Variants in DGKI observed in about 807,000 individuals in gnomAD.
The protein encoded by DGKI is DAG kinase iota.
Under a neutral mutation model 147.5 loss-of-function variants are expected in DGKI, and 55 were observed. The observed-to-expected ratio is 0.37, with a 90% confidence interval of 0.30 to 0.47. DGKI has a LOEUF of 0.47. DGKI is among the 20% of genes least tolerant of loss of function. DGKI has a pLI of 1.00. For synonymous variants in DGKI, 469 were observed against 477.1 expected (o/e 0.98, Z 0.22); for missense variants, 1,007 against 1,323.8 (o/e 0.76, Z 3.71).
At chr7:137,767,919 T>G (rs1796070145) in intron 1 of DGKI, among the ~76,000 whole-genome samples, 1 of 152,174 alleles carries the variant, frequency 6.6e-6, no homozygotes, top group African/African-American at 2.4e-5. Flanking sequence ...TTTTTAAAAA[T>G]ATTATATAAT....
chr7:137,549,417 A>T (rs1817972344), intron 20 of DGKI, among the ~76,000 whole-genome samples: 1 of 152,182 alleles, frequency 6.6e-6, no homozygotes, highest in South Asian at 2.1e-4. Context: ...TCGAATATCC[A>T]ATTAACATGC....
rs530213950 is a variant in DGKI, at chr7:137,825,913, CTATT to C, written c.401+20545_401+20548del. On this transcript the variant is annotated intron_variant, in intron 1 of 32. Coordinates refer to ENST00000614521, the MANE Select transcript of DGKI (RefSeq NM_001321708.2). ...TTTTTCATTTAAAATAAAACTGCCT[CTATT>C]AAGTAACAAGAAAAAAATATGAAGT... Among the ~76,000 whole-genome samples the C allele has an allele frequency of 2.4e-3, 362 of 152,220 alleles. 3 individuals carry two copies. The highest frequency in any genetic ancestry group is 8.3e-3 in the African/African-American group (343 of 41,514).
In DGKI at chr7:137,599,872, G is replaced by T; in HGVS notation, c.1201C>A (p.Leu401Met). 1.2e-6 allele frequency: 2 copies of T among 1,613,770 alleles called. No homozygotes were observed. The highest frequency in any genetic ancestry group is 1.7e-6 in the Non-Finnish European group (2 of 1,179,802). ...AGATCAAAGACTTGCCGTGGATTCA[G>T]GTACCACATGAACATCTGCAGGACT... Reference protein sequence around the residue: ...TKVLQMFMWYLNPRQVFDLSQ... With the variant: ...TKVLQMFMWYMNPRQVFDLSQ... Residue 401 changes from leucine (L) to methionine (M), a missense_variant, in exon 11 of 33, where the codon CTG (leucine) becomes ATG (methionine). Transcript: ENST00000614521.
intron 1 of DGKI, among the ~76,000 whole-genome samples, chr7:137,730,986 C>G (rs1219236401): frequency 2.0e-5 from 3 of 152,040 alleles, no homozygotes; most frequent in Non-Finnish European, 4.4e-5. Context: ...AAAGGCAAAG[C>G]TGGTAAGATG....
At chr7:137,438,285 A>G (rs1191492653) in intron 28 of DGKI, among the ~76,000 whole-genome samples, 1 of 152,164 alleles carries the variant, frequency 6.6e-6, no homozygotes, top group Non-Finnish European at 1.5e-5. Context: ...AAGACCTTTC[A>G]TAGAAGAGTA....
intron 1 of DGKI, among the ~76,000 whole-genome samples, chr7:137,751,171 C>T (rs1443699840): frequency 2.0e-5 from 3 of 152,216 alleles, no homozygotes; most frequent in Non-Finnish European, 4.4e-5. Flanking sequence ...CTGGAAGATA[C>T]ACATAAATAT....
intron 1 of DGKI, among the ~76,000 whole-genome samples, chr7:137,807,488 C>A (rs1334722177): frequency 6.6e-6 from 1 of 152,214 alleles, no homozygotes; most frequent in Non-Finnish European, 1.5e-5. Context: ...CTATTTTGTT[C>A]CAGCAGCTCA....
intron 1 of DGKI, among the ~76,000 whole-genome samples, chr7:137,826,243 G>A (rs1798054234): frequency 6.6e-6 from 1 of 152,196 alleles, no homozygotes; most frequent in South Asian, 2.1e-4. Context: ...GAAGAAAGGT[G>A]ATTTCTCCAA....
At chr7:137,843,303 G>C in intron 1 of DGKI, 1 of 414,498 alleles carries the variant, frequency 2.4e-6, no homozygotes, top group Non-Finnish European at 3.2e-6. Context: ...TTCCTACACA[G>C]TATATAGTCA....
chr7:137,699,388 G>T (rs1432155489), intron 1 of DGKI, among the ~76,000 whole-genome samples: 1 of 152,220 alleles, frequency 6.6e-6, no homozygotes, highest in Non-Finnish European at 1.5e-5. Flanking sequence ...TCAATTGGAA[G>T]TTGTTGCACA....
intron 26 of DGKI, among the ~76,000 whole-genome samples, chr7:137,464,993 C>A (rs1392471916): frequency 6.6e-6 from 1 of 152,200 alleles, no homozygotes; most frequent in Non-Finnish European, 1.5e-5. Context: ...AGTGCTTACA[C>A]TAGGACCTGG....
rs79328189 is a variant in DGKI at position 137,571,169 on chromosome 7, G to T, written c.1947+6C>A. 50 of 1,580,470 alleles carry T rather than the reference G, an allele frequency of 3.2e-5. No homozygotes were observed. In the Admixed American group the frequency reaches 8.2e-4, roughly 26 times the overall value. On this transcript the variant is annotated splice_donor_region_variant and intron_variant, in intron 19 of 32. Transcript: ENST00000614521. ...TTCATTTTAATAAAACAGTTATATT[G>T]CTCACCAAAGAGGCCATGGTAAATC...
At chr7:137,678,179 C>T (rs1297936848) in intron 3 of DGKI, among the ~76,000 whole-genome samples, 1 of 152,122 alleles carries the variant, frequency 6.6e-6, no homozygotes, top group Non-Finnish European at 1.5e-5. Flanking sequence ...GTGGCCACTT[C>T]CCTACAGACA....
intron 13 of DGKI, among the ~76,000 whole-genome samples, chr7:137,586,652 A>G (rs1232257067): frequency 2.0e-5 from 3 of 152,042 alleles, no homozygotes; most frequent in Non-Finnish European, 4.4e-5. Context: ...AGCTCTGATG[A>G]CACTAATCAA....
rs1366199195 is a variant in DGKI at position 137,638,466 on chromosome 7, G to GTATATATATATACACACATATATATGTA, written c.804+7005_804+7006insTACATATATATGTGTGTATATATATATA. On this transcript the variant is annotated intron_variant, in intron 6 of 32. Transcript: ENST00000614521. ...TATACACACACACATATATATGTGT[G>GTATATATATATACACACATATATATGTA]TATATATGTGTGTATATATATACAC... is the stretch of plus-strand genomic sequence containing the variant. 3.1e-3 allele frequency among the ~76,000 whole-genome samples: 75 copies of GTATATATATATACACACATATATATGTA among 24,564 alleles called. 11 individuals are homozygous for GTATATATATATACACACATATATATGTA. The highest frequency in any genetic ancestry group is 7.1e-3 in the African/African-American group (72 of 10,154). 16.1% of individuals were successfully genotyped at this position (24,564 alleles called of 152,430 possible). A position where few individuals can be genotyped will look rare whatever the true frequency, so the allele number is the denominator to read the frequency against.
chr7:137,429,475 T>C (rs1409348660), intron 28 of DGKI, among the ~76,000 whole-genome samples: 2 of 150,316 alleles, frequency 1.3e-5, no homozygotes, highest in East Asian at 4.0e-4. Flanking sequence ...GGCATTACCA[T>C]TCAGGACATA....
At chr7:137,582,498 G>A (rs905260707) in intron 14 of DGKI, among the ~76,000 whole-genome samples, 13 of 148,412 alleles carry the variant, frequency 8.8e-5, no homozygotes, top group Non-Finnish European at 1.6e-4. Flanking sequence ...TAAAAAATAG[G>A]GCAATGTGAC....
At chr7:137,831,462 C>G (rs370176803) in intron 1 of DGKI, among the ~76,000 whole-genome samples, 1 of 152,126 alleles carries the variant, frequency 6.6e-6, no homozygotes, top group African/African-American at 2.4e-5. Flanking sequence ...GATGGTAGCA[C>G]GCAAAGAGAG....
intron 1 of DGKI, chr7:137,722,914 G>C (rs1794611820): frequency 1.5e-6 from 1 of 675,430 alleles, no homozygotes; most frequent in East Asian, 2.7e-5. Flanking sequence ...GTATAGCATA[G>C]TGAGTGGTGA....
Sources: gnomAD v4.1 joint callset for allele counts (sites outside exome capture counted in the v4.1 genomes callset) on GRCh38, gnomAD v4.1.1 for gene constraint, MANE v1.5 for transcripts, NCBI Gene and HGNC (gene_info 2026-07-23, HGNC 2026-07-21) for gene names.